Variants in GPR137C observed in about 807,000 individuals in gnomAD.
GPR137C encodes the protein G protein-coupled receptor 137C.
GPR137C carries 27 observed loss-of-function variants against 43.4 expected under a neutral mutation model. That is an observed-to-expected ratio of 0.62 (90% CI 0.46 to 0.86). The LOEUF is 0.86. Among genes scored for constraint, GPR137C ranks in the 40% least tolerant of loss-of-function variants. The pLI, the probability that GPR137C is intolerant of heterozygous loss-of-function variation, is 0.00. For synonymous variants in GPR137C, 285 were observed against 226.9 expected (o/e 1.26, Z -2.30); for missense variants, 522 against 534.6 (o/e 0.98, Z 0.23).
chr14:52,616,703 T>C (rs2039103966), intron 3 of GPR137C, among the ~76,000 whole-genome samples: 1 of 152,184 alleles, frequency 6.6e-6, no homozygotes, highest in Non-Finnish European at 1.5e-5. Context: ...TATTCCAGGT[T>C]CTTGTTAGAG....
At chr14:52,558,776 TAAA>T (rs1228309736) in intron 1 of GPR137C, among the ~76,000 whole-genome samples, 1 of 152,034 alleles carries the variant, frequency 6.6e-6, no homozygotes, top group African/African-American at 2.4e-5. Flanking sequence ...ATGAAAAAAT[TAAA>T]AACTGAAATG....
intron 3 of GPR137C, among the ~76,000 whole-genome samples, chr14:52,618,445 A>C (rs1292344598): frequency 6.6e-6 from 1 of 152,082 alleles, no homozygotes; most frequent in Non-Finnish European, 1.5e-5. Context: ...ATGGAGTTTA[A>C]TTATGAATGA....
At chr14:52,577,516 G>GCGCGCGCACACACACACA (rs369713179) in intron 1 of GPR137C, among the ~76,000 whole-genome samples, 114 of 145,472 alleles carry the variant, frequency 7.8e-4, no homozygotes, top group Non-Finnish European at 2.6e-4. Context: ...GCGCGCGCGC[G>GCGCGCGCACACACACACA]CACACACACA....
chr14:52,569,196 G>C (rs913068496), intron 1 of GPR137C, among the ~76,000 whole-genome samples: 11 of 152,170 alleles, frequency 7.2e-5, no homozygotes, highest in Admixed American at 7.2e-4. Flanking sequence ...CACCGGAGGG[G>C]CCTGACTGTT....
intron 1 of GPR137C, among the ~76,000 whole-genome samples, chr14:52,562,764 A>G (rs933272296): frequency 6.6e-6 from 1 of 152,236 alleles, no homozygotes; most frequent in Non-Finnish European, 1.5e-5. Flanking sequence ...AGCATGTAGA[A>G]CTAAATTTAC....
intron 1 of GPR137C, among the ~76,000 whole-genome samples, chr14:52,581,726 A>G (rs903966407): frequency 2.6e-5 from 4 of 152,154 alleles, no homozygotes; most frequent in African/African-American, 7.2e-5. Flanking sequence ...AAAATCATCT[A>G]CTTAATTGGA....
chr14:52,567,893 C>T (rs867240923), intron 1 of GPR137C, among the ~76,000 whole-genome samples: 2 of 152,096 alleles, frequency 1.3e-5, no homozygotes, highest in Middle Eastern at 3.4e-3. Context: ...CTTCTGACCT[C>T]GTGATCTGCC....
intron 1 of GPR137C, among the ~76,000 whole-genome samples, chr14:52,559,651 A>T (rs2038250685): frequency 1.3e-5 from 2 of 152,230 alleles, no homozygotes; most frequent in Admixed American, 6.5e-5. Flanking sequence ...AGTACTTCAC[A>T]ACATTGTGCT....
At chr14:52,589,991 A>G (rs2038761479) in intron 1 of GPR137C, among the ~76,000 whole-genome samples, 1 of 152,172 alleles carries the variant, frequency 6.6e-6, no homozygotes, top group Non-Finnish European at 1.5e-5. Flanking sequence ...TACTTATTAA[A>G]AAAAAGTTAA....
intron 1 of GPR137C, among the ~76,000 whole-genome samples, chr14:52,577,718 T>G (rs1358964825): frequency 6.6e-6 from 1 of 151,116 alleles, no homozygotes; most frequent in African/African-American, 2.4e-5. Context: ...ATCCCAGCAC[T>G]TTGGGAGGCT....
At chr14:52,618,556 AT>A (rs759690154) in intron 3 of GPR137C, among the ~76,000 whole-genome samples, 20 of 151,620 alleles carry the variant, frequency 1.3e-4, no homozygotes, top group Admixed American at 1.3e-3. Context: ...TTGCTGTTTG[AT>A]TTGCCTTCAT....
chr14:52,579,664 G>A (rs1029404101), intron 1 of GPR137C, among the ~76,000 whole-genome samples: 11 of 152,164 alleles, frequency 7.2e-5, no homozygotes, highest in Non-Finnish European at 1.5e-4. Flanking sequence ...TCAAATCAGA[G>A]GGAAAAGATA....
At chr14:52,617,347 T>C (rs548024112) in intron 3 of GPR137C, among the ~76,000 whole-genome samples, 3 of 152,142 alleles carry the variant, frequency 2.0e-5, no homozygotes, top group East Asian at 3.9e-4. Context: ...TTGAAATTAA[T>C]ATGGAAAGGC....
At chr14:52,598,358 A>G in intron 2 of GPR137C, 43 bp downstream of exon 2, 1 of 851,650 alleles carries the variant, frequency 1.2e-6, no homozygotes, top group Non-Finnish European at 1.8e-6. Flanking sequence ...AAAGATCTAA[A>G]GCATTAATTC....
chr14:52,569,971 A>G (rs1161796859), intron 1 of GPR137C, among the ~76,000 whole-genome samples: 2 of 152,176 alleles, frequency 1.3e-5, no homozygotes, highest in African/African-American at 2.4e-5. Context: ...GACAGCCAAC[A>G]TTCAAATTCA....
chr14:52,601,641 G>T (rs2038927273), intron 3 of GPR137C, among the ~76,000 whole-genome samples: 1 of 151,856 alleles, frequency 6.6e-6, no homozygotes, highest in East Asian at 1.9e-4. Context: ...AGCTAATTCA[G>T]GCTTTGGTTT....
At chr14:52,594,396 G>A (rs895321817) in intron 1 of GPR137C, among the ~76,000 whole-genome samples, 3 of 152,238 alleles carry the variant, frequency 2.0e-5, no homozygotes, top group African/African-American at 7.2e-5. Context: ...CTTCTGTCTC[G>A]TTGATCTGGC....
chr14:52,577,676 T>TA (rs2038581871), intron 1 of GPR137C, among the ~76,000 whole-genome samples: 1 of 151,270 alleles, frequency 6.6e-6, no homozygotes, highest in African/African-American at 2.4e-5. Context: ...CAGGTAAATT[T>TA]AAACTTAGGG....
intron 1 of GPR137C, among the ~76,000 whole-genome samples, chr14:52,570,219 A>G (rs1411584696): frequency 6.6e-6 from 1 of 152,206 alleles, no homozygotes; most frequent in Non-Finnish European, 1.5e-5. Context: ...AGAATTTTCA[A>G]CCCAGAATTT....
Sources: gnomAD v4.1 joint callset for allele counts (sites outside exome capture counted in the v4.1 genomes callset) on GRCh38, gnomAD v4.1.1 for gene constraint, MANE v1.5 for transcripts, NCBI Gene and HGNC (gene_info 2026-07-23, HGNC 2026-07-21) for gene names.